Variants in ARID1B observed in about 807,000 individuals in gnomAD.
ARID1B encodes the protein AT-rich interactive domain-containing protein 1B.
In ARID1B, 30 loss-of-function variants were observed where a neutral mutation model predicts 212.3. That is an observed-to-expected ratio of 0.14 (90% CI 0.11 to 0.19). ARID1B has a LOEUF of 0.19. ARID1B is among the 10% of genes least tolerant of loss of function. The probability of loss-of-function intolerance (pLI) is 1.00; values close to 1 mark genes in which losing one functional copy is unlikely to be tolerated. For missense variants in ARID1B, 2,891 were observed against 3,204.0 expected, an observed-to-expected ratio of 0.90 and a Z score of 2.36; for synonymous variants, 1,402 against 1,301.7, an observed-to-expected ratio of 1.08 and a Z score of -1.66.
chr6:156,910,079 G>T (rs796735832), intron 3 of ARID1B, among the ~76,000 whole-genome samples: 14 of 152,212 alleles, frequency 9.2e-5, no homozygotes, highest in African/African-American at 3.4e-4. Flanking sequence ...ACTTGGTCTG[G>T]ATGCTTCATA....
intron 11 of ARID1B, among the ~76,000 whole-genome samples, chr6:157,178,415 C>T (rs143400072): frequency 1.6e-3 from 247 of 152,264 alleles, no homozygotes; most frequent in African/African-American, 5.3e-3. Context: ...ACGTGCAAAA[C>T]ATACAGTTTT....
intron 3 of ARID1B, 148 bp downstream of exon 3, chr6:156,901,673 A>C: frequency 2.0e-6 from 2 of 988,408 alleles, no homozygotes; most frequent in Non-Finnish European, 2.9e-6. Context: ...ACCTAATCTA[A>C]CTCCATCTCT....
At chr6:156,924,335 A>T (rs1008304865) in intron 3 of ARID1B, among the ~76,000 whole-genome samples, 2 of 152,130 alleles carry the variant, frequency 1.3e-5, no homozygotes. Context: ...AGGATGTGCT[A>T]TTTTTTTCTT....
chr6:157,014,402 T>A (rs1004386426), intron 4 of ARID1B, among the ~76,000 whole-genome samples: 3 of 152,256 alleles, frequency 2.0e-5, no homozygotes, highest in Non-Finnish European at 4.4e-5. Flanking sequence ...AAATTCAGTT[T>A]CGATTCTTTC....
intron 8 of ARID1B, among the ~76,000 whole-genome samples, chr6:157,160,816 C>G (rs1790880079): frequency 6.6e-6 from 1 of 152,198 alleles, no homozygotes; most frequent in Middle Eastern, 3.2e-3. Context: ...TTCTCCTTAC[C>G]TGGTTAATTC....
intron 3 of ARID1B, among the ~76,000 whole-genome samples, chr6:156,910,951 A>T (rs979908812): frequency 1.3e-5 from 2 of 152,222 alleles, no homozygotes; most frequent in Non-Finnish European, 2.9e-5. Context: ...CTAACTATAT[A>T]TGGAAAATGA....
intron 5 of ARID1B, among the ~76,000 whole-genome samples, chr6:157,108,220 C>T (rs1027760709): frequency 1.3e-5 from 2 of 152,210 alleles, no homozygotes; most frequent in East Asian, 3.8e-4. Context: ...TTTAAAGAGA[C>T]ATCTGTCTTA....
At chr6:157,204,143 C>A in intron 19 of ARID1B, 147 bp downstream of exon 19, 2 of 1,007,476 alleles carry the variant, frequency 2.0e-6, no homozygotes, top group Non-Finnish European at 1.5e-6. Flanking sequence ...CAGCCTTAAT[C>A]AATGTAGAGT....
Position 157,097,395 on chromosome 6 carries a change from G to A in ARID1B, c.2491+12490G>A, listed in dbSNP as rs140230838. ...TCCCTCCCTCTTCTGACATCCAGAC[G>A]CAGCATAAAGATGCCCATTGATTGA... On this transcript the variant is annotated intron_variant, in intron 5 of 19. Coordinates refer to ENST00000636930, the MANE Select transcript of ARID1B (RefSeq NM_001374828.1). Among the ~76,000 whole-genome samples the A allele has an allele frequency of 1.3e-3, 197 of 152,114 alleles. No individual in the cohort carries two copies. In the Middle Eastern group the frequency reaches 0.041, roughly 32 times the overall value.
At chr6:157,137,749 A>G (rs554169949) in intron 7 of ARID1B, among the ~76,000 whole-genome samples, 67 of 152,290 alleles carry the variant, frequency 4.4e-4, no homozygotes, top group Non-Finnish European at 8.1e-4. Context: ...GGAGTCTGGG[A>G]AGGGCCACCA....
chr6:157,084,236 C>G (rs982751621), intron 4 of ARID1B, among the ~76,000 whole-genome samples: 5 of 151,510 alleles, frequency 3.3e-5, no homozygotes, highest in African/African-American at 9.7e-5. Flanking sequence ...CGTAGTCCAC[C>G]AGTGTCAAAT....
chr6:156,925,171 C>G (rs1791119666), intron 3 of ARID1B, among the ~76,000 whole-genome samples: 1 of 152,184 alleles, frequency 6.6e-6, no homozygotes, highest in Admixed American at 6.5e-5. Flanking sequence ...CATATCCCCT[C>G]AGGGTTCCTC....
At chr6:156,946,073 T>C (rs1026177694) in intron 4 of ARID1B, among the ~76,000 whole-genome samples, 1 of 151,374 alleles carries the variant, frequency 6.6e-6, no homozygotes, top group Non-Finnish European at 1.5e-5. Flanking sequence ...AGAAGAATAA[T>C]GGGCCAGGCG....
In ARID1B at chr6:157,201,399, T is replaced by C. The variant is rs766639614; in HGVS notation, c.5174T>C (p.Ile1725Thr). The C allele has an allele frequency of 9.4e-6, 15 of 1,593,522 alleles. No homozygotes were observed. Among genetic ancestry groups the C allele is most frequent in the Non-Finnish European group, 1.2e-5 (14 of 1,167,266 alleles). The change falls in exon 18 of 20, where the codon ATC becomes ACC. Residue 1725 changes from isoleucine to threonine, a missense_variant. Ile to Thr is a moderately conservative substitution (Grantham distance 89). Around this residue, in one of 7 missense-constraint regions of ARID1B, gnomAD observed 666 missense variants for 873.5 expected, o/e 0.76. Coordinates refer to ENST00000636930, the MANE Select transcript of ARID1B (RefSeq NM_001374828.1). The surrounding 1 kb of genome is among the most constrained non-coding windows in gnomAD (Gnocchi z 5.2). ...VTGPPPQPPPIRREITFPPGS... is the reference protein window; with the variant it reads ...VTGPPPQPPPTRREITFPPGS... ...GGGCCACCACCCCAACCACCCCCAA[T>C]CAGAAGGGAGATCACCTTTCCTCCT...
intron 1 of ARID1B, among the ~76,000 whole-genome samples, chr6:156,828,411 T>A (rs1224583054): frequency 1.3e-5 from 2 of 152,192 alleles, no homozygotes; most frequent in Non-Finnish European, 2.9e-5. Context: ...AGGAAGGAGC[T>A]GCTGGGTGAA....
intron 4 of ARID1B, among the ~76,000 whole-genome samples, chr6:157,021,876 C>T (rs1429474868): frequency 1.3e-5 from 2 of 152,062 alleles, no homozygotes; most frequent in Non-Finnish European, 2.9e-5. Flanking sequence ...TGCGCCGTCT[C>T]GCGCCGCCGC....
At chr6:157,105,683 C>A (rs1786416807) in intron 5 of ARID1B, among the ~76,000 whole-genome samples, 1 of 152,080 alleles carries the variant, frequency 6.6e-6, no homozygotes, top group Non-Finnish European at 1.5e-5. Context: ...CTCACTGCAA[C>A]CTCCGCCTCC....
chr6:156,779,590 G>T (rs1032003769), intron 1 of ARID1B, 119 bp downstream of exon 1: 36 of 1,069,744 alleles, frequency 3.4e-5, no homozygotes, highest in Admixed American at 5.0e-5. Flanking sequence ...CGGGGGCGCG[G>T]CGCCCAAAGC....
chr6:157,112,102 C>T (rs954578040), intron 6 of ARID1B, among the ~76,000 whole-genome samples: 1 of 152,192 alleles, frequency 6.6e-6, no homozygotes, highest in Non-Finnish European at 1.5e-5. Flanking sequence ...GAGCTGTGAT[C>T]ACACCACTGC....
Sources: allele counts gnomAD v4.1 joint callset (sites outside exome capture counted in the v4.1 genomes callset), GRCh38; gene constraint gnomAD v4.1.1; regional missense constraint gnomAD v4.1.1; non-coding constraint Gnocchi (gnomAD v3.1); transcripts MANE v1.5; gene names NCBI Gene and HGNC (gene_info 2026-07-23, HGNC 2026-07-21).